Variants in SNX25 observed in about 807,000 individuals in gnomAD.
SNX25 encodes the protein sorting nexin 25.
SNX25 carries 62 observed loss-of-function variants against 113.7 expected under a neutral mutation model. The ratio of observed to expected loss-of-function variants is 0.55; its 90% CI spans 0.44 to 0.67. SNX25 has a LOEUF of 0.67. Ranked by LOEUF, SNX25 falls within the 30% of genes least tolerant of loss-of-function variation. The pLI is 0.00. For synonymous variants in SNX25, 421 were observed against 436.2 expected, an observed-to-expected ratio of 0.97 and a Z score of 0.43; for missense variants, 1,014 against 1,161.0, an observed-to-expected ratio of 0.87 and a Z score of 1.84.
the SNX25 span, chr4:185,375,514 A>ATATATG: frequency 1.2e-5 from 1 of 86,802 alleles, no homozygotes; most frequent in African/African-American, 5.9e-5. Context: ...ATATATATAT[A>ATATATG]TGTATATATA....
chr4:185,358,611 C>G (rs1297630744), intron 16 of SNX25, among the ~76,000 whole-genome samples: 2 of 152,176 alleles, frequency 1.3e-5, no homozygotes, highest in African/African-American at 4.8e-5. Context: ...CCAAAGAGAT[C>G]AACTGCTTGT....
At chr4:185,240,418 G>A (rs1174664740) in intron 1 of SNX25, among the ~76,000 whole-genome samples, 10 of 147,784 alleles carry the variant, frequency 6.8e-5, no homozygotes, top group South Asian at 2.2e-4. Context: ...CCTCCCTCCC[G>A]GATGGGGCGG....
At chr4:185,211,566 A>G (rs1239926992) in intron 1 of SNX25, among the ~76,000 whole-genome samples, 1 of 152,216 alleles carries the variant, frequency 6.6e-6, no homozygotes, top group Admixed American at 6.5e-5. Context: ...GTAAGATGTT[A>G]TAATTCATTC....
intron 12 of SNX25, among the ~76,000 whole-genome samples, chr4:185,343,541 A>G (rs534934422): frequency 3.7e-4 from 56 of 152,328 alleles, no homozygotes; most frequent in African/African-American, 1.3e-3. Flanking sequence ...AGGGAAACCG[A>G]TCCCAGAGCT....
downstream of SNX25, chr4:185,374,068 C>CA (rs199694987): frequency 8.6e-4 from 1,128 of 1,312,696 alleles, 6 homozygotes; most frequent in African/African-American, 0.012. Context: ...ACCATTTTCT[C>CA]AAAAAAAGCA....
chr4:185,292,180 A>AT (rs1752263055), intron 6 of SNX25, among the ~76,000 whole-genome samples: 1 of 152,200 alleles, frequency 6.6e-6, no homozygotes, highest in Non-Finnish European at 1.5e-5. Flanking sequence ...AGGTAGTTCC[A>AT]GCCAGCACAT....
rs142345501 is a variant in SNX25, at chr4:185,286,681, T to G, written c.1092-1331T>G. Among the ~76,000 whole-genome samples the G allele has an allele frequency of 9.9e-5, 15 of 152,254 alleles. No homozygotes were observed. In the East Asian group the frequency reaches 2.9e-3, roughly 29 times the overall value. On this transcript the variant is annotated intron_variant, in intron 5 of 18. Coordinates refer to ENST00000652585, the MANE Select transcript of SNX25 (RefSeq NM_001378034.2). ...GGTATGTCACTTTCCCTGATAAAAC[T>G]GTAGGTCACTTAACAAGGAAGGAAG...
intron 16 of SNX25, among the ~76,000 whole-genome samples, chr4:185,358,335 C>G (rs1337914686): frequency 6.6e-6 from 1 of 152,092 alleles, no homozygotes; most frequent in Non-Finnish European, 1.5e-5. Context: ...ATATATGTAT[C>G]CCAGTCTTTC....
At chr4:185,336,033 G>C (rs2095227812) in intron 10 of SNX25, among the ~76,000 whole-genome samples, 1 of 152,160 alleles carries the variant, frequency 6.6e-6, no homozygotes, top group Admixed American at 6.5e-5. Flanking sequence ...TCAAACTACA[G>C]AGTTACATAA....
At chr4:185,303,226 A>T (rs749225546) in intron 6 of SNX25, among the ~76,000 whole-genome samples, 6 of 152,160 alleles carry the variant, frequency 3.9e-5, no homozygotes. Context: ...TGCTCAGCTC[A>T]CAGTGCTGAT....
At chr4:185,292,469 G>A (rs1255809999) in intron 6 of SNX25, among the ~76,000 whole-genome samples, 1 of 152,130 alleles carries the variant, frequency 6.6e-6, no homozygotes, top group Non-Finnish European at 1.5e-5. Context: ...CACAATCTCG[G>A]CTCACTGCAA....
At chr4:185,226,802 T>C (rs1188791279) in intron 1 of SNX25, among the ~76,000 whole-genome samples, 1 of 152,254 alleles carries the variant, frequency 6.6e-6, no homozygotes, top group African/African-American at 2.4e-5. Context: ...AAATTAACAT[T>C]GTAAGAAATC....
At chr4:185,214,961 T>G (rs958870329) in intron 1 of SNX25, among the ~76,000 whole-genome samples, 1 of 152,208 alleles carries the variant, frequency 6.6e-6, no homozygotes, top group Non-Finnish European at 1.5e-5. Flanking sequence ...CCTGGCGCGG[T>G]GTCTCACGCC....
At chr4:185,342,481 A>G (rs570520167) in intron 12 of SNX25, among the ~76,000 whole-genome samples, 1 of 152,316 alleles carries the variant, frequency 6.6e-6, no homozygotes, top group South Asian at 2.1e-4. Context: ...TATCACATAT[A>G]CAAGGGAGGC....
At chr4:185,319,099 T>A (rs1288530) in intron 7 of SNX25, among the ~76,000 whole-genome samples, 3,202 of 83,826 alleles carry the variant, frequency 0.038, 89 homozygotes, top group African/African-American at 0.082. Flanking sequence ...TTATTTTTTT[T>A]ATTTTTTTTT....
chr4:185,263,316 T>A (rs1160549514), intron 3 of SNX25, among the ~76,000 whole-genome samples: 1 of 152,214 alleles, frequency 6.6e-6, no homozygotes, highest in African/African-American at 2.4e-5. Context: ...CTTGACATGA[T>A]AAAGGAGTAG....
At chr4:185,281,955 G>T (rs1013708086) in intron 5 of SNX25, among the ~76,000 whole-genome samples, 1 of 152,106 alleles carries the variant, frequency 6.6e-6, no homozygotes, top group Non-Finnish European at 1.5e-5. Flanking sequence ...GGTGGAAGTT[G>T]CAGTGAGTCG....
downstream of SNX25, among the ~76,000 whole-genome samples, chr4:185,375,097 T>G (rs2095428824): frequency 6.6e-6 from 1 of 151,858 alleles, no homozygotes; most frequent in African/African-American, 2.4e-5. Flanking sequence ...AAAATAATAT[T>G]GGACAATCAA....
chr4:185,302,772 C>T (rs755476678), intron 6 of SNX25, among the ~76,000 whole-genome samples: 12 of 152,294 alleles, frequency 7.9e-5, no homozygotes, highest in Non-Finnish European at 1.2e-4. Context: ...AGCCAACCAC[C>T]TCTCAGGCTG....
Sources: allele counts gnomAD v4.1 joint callset (sites outside exome capture counted in the v4.1 genomes callset), GRCh38; gene constraint gnomAD v4.1.1; transcripts MANE v1.5; gene names NCBI Gene and HGNC (gene_info 2026-07-23, HGNC 2026-07-21).